Variants in PPP3CA observed in about 807,000 individuals in gnomAD.
PPP3CA encodes protein phosphatase 3 catalytic subunit alpha, also known as CAM-PRP catalytic subunit.
In PPP3CA, 14 loss-of-function variants were observed where a neutral mutation model predicts 66.5. The observed-to-expected ratio is 0.21, with a 90% CI of 0.14 to 0.33. The LOEUF (loss-of-function observed/expected upper bound fraction) is 0.33, where lower values mean the gene tolerates loss of function less well. Ranked by LOEUF, PPP3CA falls within the 10% of genes least tolerant of loss-of-function variation. The pLI is 1.00. For missense variants in PPP3CA, 317 were observed against 639.5 expected (o/e 0.50, Z 5.44); for synonymous variants, 232 against 226.2 (o/e 1.03, Z -0.23).
chr4:101,153,984 T>A (rs754241351), intron 2 of PPP3CA, among the ~76,000 whole-genome samples: 14 of 151,740 alleles, frequency 9.2e-5, no homozygotes, highest in Non-Finnish European at 1.9e-4. Context: ...CTGGTAAAAG[T>A]TATTAAATAA....
At chr4:101,068,646 A>G (rs1728783755) in intron 8 of PPP3CA, among the ~76,000 whole-genome samples, 1 of 152,188 alleles carries the variant, frequency 6.6e-6, no homozygotes, top group Non-Finnish European at 1.5e-5. Flanking sequence ...TCATGAACAC[A>G]GTCTCTACAA....
At chr4:101,269,373 T>C (rs1403362568) in intron 1 of PPP3CA, among the ~76,000 whole-genome samples, 5 of 83,894 alleles carry the variant, frequency 6.0e-5, no homozygotes, top group Non-Finnish European at 1.7e-4. Context: ...ACACAAGGCT[T>C]TGAACACTAT....
intron 1 of PPP3CA, among the ~76,000 whole-genome samples, chr4:101,281,648 T>A (rs969782546): frequency 7.2e-5 from 11 of 152,326 alleles, no homozygotes; most frequent in African/African-American, 2.6e-4. Context: ...GGTTTTTAAG[T>A]CAATCAAATG....
chr4:101,150,279 T>G (rs748526752), intron 2 of PPP3CA, among the ~76,000 whole-genome samples: 3 of 152,216 alleles, frequency 2.0e-5, no homozygotes, highest in Non-Finnish European at 2.9e-5. Context: ...GTCTGATGAT[T>G]CTTCCAAATT....
chr4:101,050,649 G>A (rs1026641214), intron 10 of PPP3CA, among the ~76,000 whole-genome samples: 1 of 152,158 alleles, frequency 6.6e-6, no homozygotes, highest in African/African-American at 2.4e-5. Context: ...TTAGCTAGAG[G>A]TGATTCAGAA....
intron 1 of PPP3CA, among the ~76,000 whole-genome samples, chr4:101,256,925 G>C (rs1352607432): frequency 6.6e-6 from 1 of 152,032 alleles, no homozygotes; most frequent in Admixed American, 6.6e-5. Context: ...TGTAAAGTAA[G>C]TTTTATCATT....
chr4:101,303,738 T>C (rs1728451245), intron 1 of PPP3CA, among the ~76,000 whole-genome samples: 1 of 152,188 alleles, frequency 6.6e-6, no homozygotes. Flanking sequence ...AAAAAGTACA[T>C]TTTTCATTCA....
chr4:101,073,915 G>A (rs1455484302), intron 8 of PPP3CA, among the ~76,000 whole-genome samples: 1 of 152,176 alleles, frequency 6.6e-6, no homozygotes, highest in Non-Finnish European at 1.5e-5. Flanking sequence ...ACTGCAGTAA[G>A]TGATCTGGGG....
At chr4:101,184,338 C>A (rs966813316) in intron 2 of PPP3CA, among the ~76,000 whole-genome samples, 4 of 152,096 alleles carry the variant, frequency 2.6e-5, no homozygotes, top group East Asian at 1.9e-4. Flanking sequence ...TTGATTCCTG[C>A]GGCTGCATTT....
intron 1 of PPP3CA, among the ~76,000 whole-genome samples, chr4:101,281,159 CA>C (rs1414779408): frequency 3.2e-4 from 48 of 152,096 alleles, no homozygotes; most frequent in African/African-American, 1.1e-3. Flanking sequence ...GAGACTTTGA[CA>C]AAAGAAGGCT....
intron 3 of PPP3CA, among the ~76,000 whole-genome samples, chr4:101,102,416 CT>C (rs1258783263): frequency 6.6e-6 from 1 of 152,118 alleles, no homozygotes; most frequent in Non-Finnish European, 1.5e-5. Flanking sequence ...AATAAGTCTT[CT>C]TTTCACATTT....
intron 3 of PPP3CA, among the ~76,000 whole-genome samples, chr4:101,106,286 A>G (rs1190215475): frequency 2.0e-5 from 3 of 151,254 alleles, no homozygotes; most frequent in Non-Finnish European, 2.9e-5. Flanking sequence ...GTGCCACTGC[A>G]GAGAATGAAG....
intron 2 of PPP3CA, among the ~76,000 whole-genome samples, chr4:101,156,860 T>C (rs770395355): frequency 6.6e-6 from 1 of 152,300 alleles, no homozygotes; most frequent in Middle Eastern, 3.4e-3. Flanking sequence ...AGTCACTACA[T>C]GTTTTTAAAC....
intron 1 of PPP3CA, among the ~76,000 whole-genome samples, chr4:101,322,958 T>C (rs760949262): frequency 2.0e-5 from 3 of 152,212 alleles, no homozygotes; most frequent in Non-Finnish European, 4.4e-5. Context: ...ACTCAGCATA[T>C]ATATGTGTGT....
Position 101,139,521 on chromosome 4 carries a change from T to C in PPP3CA, c.260-30443A>G, listed in dbSNP as rs549036587. ...CTAAGTACCCAGATTATGCCTTGCA[T>C]CTGTACATTGTGGGAGCTCACAAAT... On this transcript the variant is annotated intron_variant, in intron 2 of 13. Coordinates refer to ENST00000394854, the MANE Select transcript of PPP3CA (RefSeq NM_000944.5). Among the ~76,000 whole-genome samples, 9 of 152,230 alleles carry C rather than the reference T, an allele frequency of 5.9e-5. No homozygotes were observed. In the South Asian group the frequency reaches 1.9e-3, roughly 32 times the overall value.
At chr4:101,074,952 G>A (rs560929442) in intron 8 of PPP3CA, among the ~76,000 whole-genome samples, 1 of 152,310 alleles carries the variant, frequency 6.6e-6, no homozygotes, top group South Asian at 2.1e-4. Flanking sequence ...CACATGGCTA[G>A]GGAGGCCTCA....
intron 1 of PPP3CA, among the ~76,000 whole-genome samples, chr4:101,202,638 C>A (rs775601480): frequency 6.6e-6 from 1 of 151,062 alleles, no homozygotes; most frequent in African/African-American, 2.4e-5. Flanking sequence ...TCATCACTTG[C>A]GTGTTTGAAA....
intron 1 of PPP3CA, among the ~76,000 whole-genome samples, chr4:101,337,893 G>C (rs1369466897): frequency 6.6e-6 from 1 of 152,166 alleles, no homozygotes; most frequent in Non-Finnish European, 1.5e-5. Context: ...ATGCCATCAG[G>C]AGAGGTGACT....
intron 2 of PPP3CA, among the ~76,000 whole-genome samples, chr4:101,127,414 G>A (rs917386238): frequency 3.3e-5 from 5 of 152,100 alleles, no homozygotes; most frequent in African/African-American, 1.2e-4. Flanking sequence ...TATAACTGGT[G>A]TCTTTATAAT....
Sources: allele counts gnomAD v4.1 joint callset (sites outside exome capture counted in the v4.1 genomes callset), GRCh38; gene constraint gnomAD v4.1.1; transcripts MANE v1.5; gene names NCBI Gene and HGNC (gene_info 2026-07-23, HGNC 2026-07-21).